ROBO1: variants seen among roughly 807,000 people sequenced by gnomAD.
The protein encoded by ROBO1 is roundabout homolog 1.
In ROBO1, 149 loss-of-function variants were observed where a neutral mutation model predicts 195.9. The observed-to-expected ratio is 0.76, with a 90% CI of 0.67 to 0.87. The LOEUF (loss-of-function observed/expected upper bound fraction) is 0.87. Ranked by LOEUF, ROBO1 falls within the 40% of genes least tolerant of loss-of-function variation. ROBO1 has a pLI of 0.00. For synonymous variants in ROBO1, 816 were observed against 733.2 expected (o/e 1.11, Z -1.82); for missense variants, 1,933 against 2,068.3 (o/e 0.93, Z 1.27).
At chr3:79,112,349 G>A (rs886794667) in intron 3 of ROBO1, among the ~76,000 whole-genome samples, 1 of 152,062 alleles carries the variant, frequency 6.6e-6, no homozygotes, top group African/African-American at 2.4e-5. Flanking sequence ...AGGCTTTGTC[G>A]TGTTTGTTCT....
intron 5 of ROBO1, among the ~76,000 whole-genome samples, chr3:78,723,538 T>C (rs2082091480): frequency 6.6e-6 from 1 of 152,180 alleles, no homozygotes; most frequent in Admixed American, 6.5e-5. Flanking sequence ...TTAGGCTTTA[T>C]AGATCATTAT....
intron 17 of ROBO1, among the ~76,000 whole-genome samples, chr3:78,658,872 C>A (rs1242440292): frequency 6.6e-6 from 1 of 152,174 alleles, no homozygotes; most frequent in African/African-American, 2.4e-5. Context: ...TGAACCAAAG[C>A]CACAAACTGA....
At chr3:78,993,484 G>A (rs1475650295) in intron 3 of ROBO1, among the ~76,000 whole-genome samples, 4 of 152,094 alleles carry the variant, frequency 2.6e-5, no homozygotes. Flanking sequence ...GGAGGCAAGG[G>A]TGTAATACAC....
At chr3:79,602,645 T>C (rs1944371211) in intron 1 of ROBO1, among the ~76,000 whole-genome samples, 1 of 152,010 alleles carries the variant, frequency 6.6e-6, no homozygotes, top group Non-Finnish European at 1.5e-5. Context: ...TGCAGTTGGA[T>C]TGCAAATTAA....
In ROBO1 at chr3:79,723,334, A is replaced by G. The variant is rs150142893; in HGVS notation, c.-51+44418T>C. On this transcript the variant is annotated intron_variant, in intron 1 of 30. Transcript: ENST00000464233. Reference sequence around the variant, plus strand: ...TCTGACATTTCTGCTGAAATATATGATGGTTTTGAAATGTGAGTTGATGTT... The same window carrying G: ...TCTGACATTTCTGCTGAAATATATGGTGGTTTTGAAATGTGAGTTGATGTT... Among the ~76,000 whole-genome samples, 681 of 152,234 alleles carry G rather than the reference A, an allele frequency of 4.5e-3. 3 individuals carry two copies. Among genetic ancestry groups the G allele is most frequent in the African/African-American group, 0.015 (638 of 41,542 alleles).
At chr3:78,704,924 T>C (rs185077090) in intron 8 of ROBO1, among the ~76,000 whole-genome samples, 2 of 152,308 alleles carry the variant, frequency 1.3e-5, no homozygotes, top group South Asian at 4.1e-4. Flanking sequence ...CTAATTCACA[T>C]GTTAGAAAAT....
intron 3 of ROBO1, among the ~76,000 whole-genome samples, chr3:79,075,992 A>G (rs977342724): frequency 2.0e-5 from 3 of 151,524 alleles, no homozygotes; most frequent in Admixed American, 6.6e-5. Context: ...TTGAAATCAG[A>G]TGGCCACAAG....
chr3:79,713,151 C>T (rs1466467811), intron 1 of ROBO1, among the ~76,000 whole-genome samples: 1 of 151,404 alleles, frequency 6.6e-6, no homozygotes, highest in Non-Finnish European at 1.5e-5. Flanking sequence ...CAAAATACTG[C>T]TCATTACAAT....
At chr3:79,087,773 G>C (rs1576658517) in intron 3 of ROBO1, among the ~76,000 whole-genome samples, 1 of 151,992 alleles carries the variant, frequency 6.6e-6, no homozygotes, top group Non-Finnish European at 1.5e-5. Context: ...TCTTTTGTTG[G>C]AGAAACAAAA....
chr3:79,008,477 G>A (rs1055102894), intron 3 of ROBO1, among the ~76,000 whole-genome samples: 3 of 151,758 alleles, frequency 2.0e-5, no homozygotes, highest in African/African-American at 7.3e-5. Flanking sequence ...AGCAATGGAT[G>A]TACTAAAATA....
At chr3:79,301,072 G>A (rs2032923104) in intron 2 of ROBO1, among the ~76,000 whole-genome samples, 1 of 152,148 alleles carries the variant, frequency 6.6e-6, no homozygotes, top group Non-Finnish European at 1.5e-5. Flanking sequence ...CTTCCACGCT[G>A]TGGAAGCTTT....
chr3:79,688,482 G>T (rs1302509859), intron 1 of ROBO1, among the ~76,000 whole-genome samples: 2 of 152,090 alleles, frequency 1.3e-5, no homozygotes, highest in African/African-American at 4.8e-5. Flanking sequence ...TTATTACTTT[G>T]ACTATTTTTT....
intron 4 of ROBO1, among the ~76,000 whole-genome samples, chr3:78,759,987 T>G (rs745822413): frequency 1.4e-4 from 21 of 152,176 alleles, no homozygotes; most frequent in Admixed American, 4.6e-4. Context: ...TTTGACTGTA[T>G]TCCCACGTGT....
chr3:79,156,219 A>G (rs1490584084), intron 2 of ROBO1, among the ~76,000 whole-genome samples: 1 of 151,356 alleles, frequency 6.6e-6, no homozygotes, highest in Non-Finnish European at 1.5e-5. Flanking sequence ...TCCTTTTCAT[A>G]GTCAATCCAA....
At chr3:79,570,056 G>T (rs919532625) in intron 2 of ROBO1, among the ~76,000 whole-genome samples, 1 of 151,996 alleles carries the variant, frequency 6.6e-6, no homozygotes, top group African/African-American at 2.4e-5. Flanking sequence ...AGCCAAGATC[G>T]CATGACTGCA....
intron 2 of ROBO1, among the ~76,000 whole-genome samples, chr3:79,329,624 A>T (rs563076058): frequency 6.6e-6 from 1 of 152,222 alleles, no homozygotes; most frequent in East Asian, 1.9e-4. Context: ...GCACTATCAA[A>T]GTGTGGGGTA....
At chr3:79,437,010 T>C (rs562692931) in intron 2 of ROBO1, among the ~76,000 whole-genome samples, 2 of 152,090 alleles carry the variant, frequency 1.3e-5, no homozygotes, top group East Asian at 1.9e-4. Context: ...TGTTGCCTTT[T>C]TGCAAAGAAA....
At chr3:79,307,071 G>A (rs546852745) in intron 2 of ROBO1, among the ~76,000 whole-genome samples, 1 of 152,154 alleles carries the variant, frequency 6.6e-6, no homozygotes, top group East Asian at 1.9e-4. Flanking sequence ...AGGAAAAGAA[G>A]GGAGGGGGGT....
chr3:78,736,412 C>T (rs2082394193), intron 5 of ROBO1, among the ~76,000 whole-genome samples: 1 of 151,920 alleles, frequency 6.6e-6, no homozygotes, highest in African/African-American at 2.4e-5. Flanking sequence ...AAAAGGAAAA[C>T]AAACAGATAA....
Sources: gnomAD v4.1 joint callset for allele counts (sites outside exome capture counted in the v4.1 genomes callset) on GRCh38, gnomAD v4.1.1 for gene constraint, MANE v1.5 for transcripts, NCBI Gene and HGNC (gene_info 2026-07-23, HGNC 2026-07-21) for gene names.